Variants in HDAC9 observed in about 807,000 individuals in gnomAD.
The protein encoded by HDAC9 is MEF-2 interacting transcription repressor (MITR) protein.
HDAC9 carries 41 observed loss-of-function variants against 139.4 expected under a neutral mutation model. The ratio of observed to expected loss-of-function variants is 0.29; its 90% CI spans 0.23 to 0.38. HDAC9 has a LOEUF of 0.38. Ranked by LOEUF, HDAC9 falls within the 10% of genes least tolerant of loss-of-function variation. The pLI is 1.00. For missense variants in HDAC9, 1,147 were observed against 1,297.0 expected (o/e 0.88, Z 1.78); for synonymous variants, 517 against 476.2 (o/e 1.09, Z -1.12).
chr7:18,945,018 G>C (rs534483115), intron 23 of HDAC9, among the ~76,000 whole-genome samples: 1 of 152,248 alleles, frequency 6.6e-6, no homozygotes, highest in African/African-American at 2.4e-5. Flanking sequence ...CATTTTATAT[G>C]TGTTTCTTGG....
intron 1 of HDAC9, among the ~76,000 whole-genome samples, chr7:18,367,465 C>T (rs1160008910): frequency 6.6e-6 from 1 of 152,056 alleles, no homozygotes; most frequent in Non-Finnish European, 1.5e-5. Context: ...ACACCTTTTG[C>T]TTTGTTCCTT....
intron 1 of HDAC9, among the ~76,000 whole-genome samples, chr7:18,110,581 T>TG (rs1783548411): frequency 6.6e-6 from 1 of 152,152 alleles, no homozygotes; most frequent in African/African-American, 2.4e-5. Context: ...GGAAGCCAGA[T>TG]GGAGTCCTGA....
intron 17 of HDAC9, among the ~76,000 whole-genome samples, chr7:18,818,753 T>G (rs962570577): frequency 6.6e-6 from 1 of 152,176 alleles, no homozygotes; most frequent in Non-Finnish European, 1.5e-5. Context: ...ACCCTTATTT[T>G]TCATGATTTT....
chr7:18,299,157 G>A (rs1226775100), intron 1 of HDAC9, among the ~76,000 whole-genome samples: 1 of 151,316 alleles, frequency 6.6e-6, no homozygotes, highest in East Asian at 1.9e-4. Context: ...TTATGCAAGA[G>A]TAAGATTTTT....
At chr7:18,733,218 C>T (rs150906702) in intron 13 of HDAC9, among the ~76,000 whole-genome samples, 221 of 145,392 alleles carry the variant, frequency 1.5e-3, no homozygotes, top group Non-Finnish European at 2.6e-3. Context: ...TGTGTCTATA[C>T]GTATATACAC....
chr7:18,873,909 C>T (rs1799117103), intron 21 of HDAC9, among the ~76,000 whole-genome samples: 1 of 152,058 alleles, frequency 6.6e-6, no homozygotes, highest in Non-Finnish European at 1.5e-5. Flanking sequence ...TGACTTTGGA[C>T]TCACTTAACA....
At chr7:18,727,790 A>G in intron 13 of HDAC9, 33 bp downstream of exon 13, 1 of 1,413,080 alleles carries the variant, frequency 7.1e-7, no homozygotes, top group Non-Finnish European at 9.4e-7. Flanking sequence ...TCTAATAGGC[A>G]GGCTAAATGC....
chr7:18,810,465 T>C lies in HDAC9; in HGVS notation c.2322+17013T>C, dbSNP rs143824555. Among the ~76,000 whole-genome samples the C allele has an allele frequency of 2.6e-5, 4 of 152,062 alleles. No homozygotes were observed. In the East Asian group the frequency reaches 7.7e-4, roughly 29 times the overall value. The stretch of plus-strand genomic sequence containing the variant: ...GAGTTCTTCTTTAATATTCTCACTG[T>C]ATATGGCTATAAGCAGTTTAACAAT... On this transcript the variant is annotated intron_variant, in intron 17 of 25. Coordinates refer to ENST00000686413, the MANE Select transcript of HDAC9 (RefSeq NM_178425.4).
At chr7:18,813,291 C>A (rs754142453) in intron 17 of HDAC9, among the ~76,000 whole-genome samples, 5 of 151,988 alleles carry the variant, frequency 3.3e-5, no homozygotes, top group African/African-American at 4.8e-5. Context: ...TTAAAAGTTT[C>A]TTTGTTTGTG....
intron 1 of HDAC9, among the ~76,000 whole-genome samples, chr7:18,412,627 G>C (rs917350299): frequency 6.6e-6 from 1 of 152,196 alleles, no homozygotes; most frequent in Non-Finnish European, 1.5e-5. Context: ...ATCACTAAGG[G>C]ACTCACGCTC....
At chr7:18,142,789 C>T (rs1156923073) in intron 1 of HDAC9, among the ~76,000 whole-genome samples, 3 of 152,318 alleles carry the variant, frequency 2.0e-5, no homozygotes, top group Admixed American at 6.5e-5. Flanking sequence ...TCCTAGAGGA[C>T]GTGGCGGGTC....
chr7:18,805,754 A>T (rs1018427436), intron 17 of HDAC9, among the ~76,000 whole-genome samples: 8 of 152,124 alleles, frequency 5.3e-5, no homozygotes, highest in Non-Finnish European at 8.8e-5. Context: ...CAGTGTTTGG[A>T]TGTCTGCTGT....
At chr7:18,473,653 T>A (rs188551077) in intron 1 of HDAC9, among the ~76,000 whole-genome samples, 3 of 152,374 alleles carry the variant, frequency 2.0e-5, no homozygotes, top group Admixed American at 6.5e-5. Context: ...GAGTGGTCTT[T>A]AGCAACCCTG....
At chr7:18,790,771 A>C (rs1172173735) in intron 16 of HDAC9, among the ~76,000 whole-genome samples, 1 of 152,214 alleles carries the variant, frequency 6.6e-6, no homozygotes, top group Non-Finnish European at 1.5e-5. Flanking sequence ...ATGGATGATA[A>C]ATCCCATAGT....
At chr7:18,944,628 G>A (rs541852309) in intron 23 of HDAC9, among the ~76,000 whole-genome samples, 15 of 152,002 alleles carry the variant, frequency 9.9e-5, no homozygotes, top group Non-Finnish European at 5.9e-5. Context: ...ATATCACAGA[G>A]ATCACATATG....
At chr7:18,206,302 T>A (rs1791506741) in intron 2 of HDAC9, among the ~76,000 whole-genome samples, 1 of 152,202 alleles carries the variant, frequency 6.6e-6, no homozygotes, top group African/African-American at 2.4e-5. Flanking sequence ...ATAGCAATCA[T>A]TTCTGGAATT....
chr7:18,392,315 TCA>T (rs57932620), intron 1 of HDAC9, among the ~76,000 whole-genome samples: 2,901 of 119,164 alleles, frequency 0.024, 42 homozygotes, highest in East Asian at 0.045. Flanking sequence ...TCTCTCTCTC[TCA>T]CACACACACA....
In HDAC9 at chr7:18,996,078, T is replaced by A. The variant is rs771146884; in HGVS notation, c.*16T>A. On this transcript the variant is annotated 3_prime_UTR_variant, in exon 26 of 26. Transcript: ENST00000686413. ...AGCCTTGTGAAGTGCCAAGTCCCCC[T>A]CTGATATTTCCTGTGTGTGACATCA... is the stretch of plus-strand genomic sequence containing the variant. The A allele has an allele frequency of 6.3e-7, 1 of 1,591,944 alleles. No homozygotes were observed. The highest frequency in any genetic ancestry group is 8.6e-7 in the Non-Finnish European group (1 of 1,165,532).
upstream of HDAC9, among the ~76,000 whole-genome samples, chr7:18,494,739 A>G (rs1219888512): frequency 6.6e-6 from 1 of 152,134 alleles, no homozygotes; most frequent in Non-Finnish European, 1.5e-5. Context: ...TAGGAGGTCC[A>G]TATTTCGGGC....
Sources: allele counts gnomAD v4.1 joint callset (sites outside exome capture counted in the v4.1 genomes callset), GRCh38; gene constraint gnomAD v4.1.1; transcripts MANE v1.5; gene names NCBI Gene and HGNC (gene_info 2026-07-23, HGNC 2026-07-21).